CPNE5: variants seen among roughly 807,000 people sequenced by gnomAD.
The protein encoded by CPNE5 is copine 5.
Under a neutral mutation model 81.1 loss-of-function variants are expected in CPNE5, and 42 were observed. The observed-to-expected ratio is 0.52, with a 90% CI of 0.40 to 0.67. The LOEUF is 0.67. CPNE5 is among the 30% of genes least tolerant of loss of function. The probability of loss-of-function intolerance (pLI) is 0.00; values close to 1 mark genes in which losing one functional copy is unlikely to be tolerated. For synonymous variants in CPNE5, 313 were observed against 321.5 expected (o/e 0.97, Z 0.28); for missense variants, 612 against 815.5 (o/e 0.75, Z 3.04).
chr6:36,822,088 C>T, intron 3 of CPNE5, 26 bp downstream of exon 3: 2 of 1,519,356 alleles, frequency 1.3e-6, no homozygotes, highest in South Asian at 1.3e-5. Flanking sequence ...GCTGGTGTTT[C>T]TGGTGTGGGA....
Position 36,820,500 on chromosome 6 carries a change from C to T in CPNE5, c.183+1614G>A, listed in dbSNP as rs183666533. On this transcript the variant is annotated intron_variant, in intron 3 of 20. Coordinates refer to ENST00000244751, the MANE Select transcript of CPNE5 (RefSeq NM_020939.2). The stretch of plus-strand genomic sequence containing the variant: ...GGGACTACAGGCACGCACCACCACG[C>T]CTGGCTAATTCCTAATCCATTCATT... Among the ~76,000 whole-genome samples the T allele has an allele frequency of 4.0e-3, 604 of 152,086 alleles. 3 individuals carry two copies. The highest frequency in any genetic ancestry group is 6.6e-3 in the Admixed American group (101 of 15,260).
At chr6:36,799,074 T>C (rs2150526589) in intron 4 of CPNE5, among the ~76,000 whole-genome samples, 1 of 152,250 alleles carries the variant, frequency 6.6e-6, no homozygotes, top group African/African-American at 2.4e-5. Flanking sequence ...ACCTGGGGCC[T>C]GCTCACCGGG....
intron 3 of CPNE5, among the ~76,000 whole-genome samples, chr6:36,812,717 A>T (rs1771205987): frequency 6.6e-6 from 1 of 152,204 alleles, no homozygotes; most frequent in South Asian, 2.1e-4. Flanking sequence ...AACCCTGATC[A>T]CGGGGAGTCA....
intron 7 of CPNE5, 81 bp from the exon 8 acceptor site, chr6:36,792,177 G>T: frequency 7.3e-7 from 1 of 1,378,444 alleles, no homozygotes; most frequent in Non-Finnish European, 1.0e-6. Flanking sequence ...TCAGCCCCCT[G>T]CCCATCCTCC....
intron 1 of CPNE5, among the ~76,000 whole-genome samples, chr6:36,829,806 C>A (rs1266311213): frequency 3.3e-5 from 3 of 90,438 alleles, no homozygotes; most frequent in African/African-American, 1.2e-4. Context: ...GAGTGTGGCT[C>A]CATCTCAAAA....
At position 36,815,197 on chromosome 6, in the gene CPNE5, G is replaced by C. The variant is rs185501753; in HGVS notation, c.183+6917C>G. ...GAACAAAAAAAAAGAACAGAACAGTGTCTGCACATTGCTGTCATGTGTTTG... is the reference window on the plus strand; with the variant it reads ...GAACAAAAAAAAAGAACAGAACAGTCTCTGCACATTGCTGTCATGTGTTTG... On this transcript the variant is annotated intron_variant, in intron 3 of 20. Coordinates refer to ENST00000244751, the MANE Select transcript of CPNE5 (RefSeq NM_020939.2). Among the ~76,000 whole-genome samples the C allele has an allele frequency of 1.6e-3, 240 of 151,604 alleles. 1 individual carries two copies. The highest frequency in any genetic ancestry group is 5.3e-3 in the African/African-American group (221 of 41,362).
intron 10 of CPNE5, among the ~76,000 whole-genome samples, chr6:36,772,348 C>G (rs13206316): frequency 1.3e-5 from 2 of 152,044 alleles, no homozygotes; most frequent in Non-Finnish European, 1.5e-5. Flanking sequence ...CCAACCAGCC[C>G]GTCCTCTCAC....
intron 3 of CPNE5, among the ~76,000 whole-genome samples, chr6:36,803,165 A>G (rs992472994): frequency 6.6e-6 from 1 of 152,114 alleles, no homozygotes; most frequent in Admixed American, 6.5e-5. Context: ...GTTCCAGTCA[A>G]TCTCATCGGC....
At chr6:36,777,179 C>T (rs571104388) in intron 9 of CPNE5, among the ~76,000 whole-genome samples, 2 of 152,102 alleles carry the variant, frequency 1.3e-5, no homozygotes, top group East Asian at 3.9e-4. Flanking sequence ...AGGGAGAGGG[C>T]TCTGACTTTG....
intron 9 of CPNE5, among the ~76,000 whole-genome samples, chr6:36,776,912 C>T (rs1767557014): frequency 6.6e-6 from 1 of 152,206 alleles, no homozygotes; most frequent in African/African-American, 2.4e-5. Context: ...AGTGACCACC[C>T]TGTTCTCACC....
intron 11 of CPNE5, 64 bp downstream of exon 11, chr6:36,765,271 G>T: frequency 1.3e-6 from 2 of 1,567,214 alleles, no homozygotes; most frequent in Non-Finnish European, 1.8e-6. Flanking sequence ...GCATGGGAGG[G>T]CAGGGCCCAG....
intron 1 of CPNE5, among the ~76,000 whole-genome samples, chr6:36,831,638 C>CAAAAAAAAAAA (rs35409136): frequency 1.2e-4 from 10 of 83,936 alleles, no homozygotes; most frequent in African/African-American, 4.2e-4. Flanking sequence ...GACACCATCT[C>CAAAAAAAAAAA]AAAAAAAAAA....
chr6:36,826,674 G>C (rs1257690377), intron 1 of CPNE5, among the ~76,000 whole-genome samples: 1 of 152,206 alleles, frequency 6.6e-6, no homozygotes, highest in East Asian at 1.9e-4. Flanking sequence ...TCAGAGTAGT[G>C]GCCTGGCAAG....
intron 8 of CPNE5, among the ~76,000 whole-genome samples, chr6:36,784,275 C>A (rs888363744): frequency 6.6e-6 from 1 of 152,196 alleles, no homozygotes; most frequent in Non-Finnish European, 1.5e-5. Context: ...TGCATTGTTG[C>A]ACCATTGTAG....
chr6:36,743,385 C>A (rs1007964956), intron 20 of CPNE5: 5 of 407,742 alleles, frequency 1.2e-5, no homozygotes, highest in East Asian at 1.6e-4. Context: ...CAGAAAAAAA[C>A]CAGAACGAGG....
chr6:36,747,259 C>T (rs540341954), intron 15 of CPNE5, among the ~76,000 whole-genome samples: 391 of 150,714 alleles, frequency 2.6e-3, no homozygotes, highest in African/African-American at 9.2e-3. Flanking sequence ...ATTTCCCCCC[C>T]CAGAGCCCTC....
chr6:36,820,550 C>T (rs1771957086), intron 3 of CPNE5, among the ~76,000 whole-genome samples: 1 of 151,936 alleles, frequency 6.6e-6, no homozygotes, highest in African/African-American at 2.4e-5. Context: ...GTATTAAGCA[C>T]CTACTGTGTG....
At chr6:36,742,696 A>C in intron 20 of CPNE5, 3 of 984,738 alleles carry the variant, frequency 3.0e-6, no homozygotes, top group Non-Finnish European at 3.6e-6. Flanking sequence ...CTATTCTTTC[A>C]TTCACTCGAC....
At chr6:36,820,594 G>T (rs1229206996) in intron 3 of CPNE5, among the ~76,000 whole-genome samples, 1 of 152,050 alleles carries the variant, frequency 6.6e-6, no homozygotes, top group Non-Finnish European at 1.5e-5. Flanking sequence ...ATGTAGTAGT[G>T]AATAAAGCAG....
Sources: allele counts gnomAD v4.1 joint callset (sites outside exome capture counted in the v4.1 genomes callset), GRCh38; gene constraint gnomAD v4.1.1; transcripts MANE v1.5; gene names NCBI Gene and HGNC (gene_info 2026-07-23, HGNC 2026-07-21).